Variants in CCDC69 observed in about 807,000 individuals in gnomAD.
CCDC69 encodes the protein coiled-coil domain-containing protein 69.
A neutral mutation model predicts 40.3 loss-of-function variants in CCDC69; 38 were observed. That is an observed-to-expected ratio of 0.94 (90% CI 0.73 to 1.24). The LOEUF is 1.24. CCDC69 is among the 50% of genes most tolerant of loss of function. The pLI is 0.00. For missense variants in CCDC69, 389 were observed against 357.9 expected (o/e 1.09, Z -0.70); for synonymous variants, 141 against 138.9 (o/e 1.02, Z -0.11).
At position 151,184,402 on chromosome 5, in the gene CCDC69, G is replaced by A. The variant is rs138016108; in HGVS notation, c.655C>T (p.Leu219=). ...TGGAGGTCCTCATTTTCCTGTTGCA[G>A]GGTCGTAATTTTTTCCTCCAATATC... is the stretch of plus-strand genomic sequence containing the variant. ...NLILEEKITT[L]QQENEDLHVR... is the part of the protein sequence containing the mutation. The change falls in exon 8 of 9, where the codon CTG becomes TTG. Residue 219 remains leucine, a synonymous_variant. Transcript: ENST00000355417. The A allele has an allele frequency of 4.5e-5, 73 of 1,614,108 alleles. No individual in the cohort carries two copies. The African/African-American group carries it at 9.5e-4, about 21-fold the overall frequency.
intron 4 of CCDC69, among the ~76,000 whole-genome samples, chr5:151,195,749 TCACACCCACACA>T (rs1412329524): frequency 7.8e-6 from 1 of 128,294 alleles, no homozygotes; most frequent in African/African-American, 2.9e-5. Context: ...ACACGCACAC[TCACACCCACACA>T]CACACCCACA....
chr5:151,221,970 C>G (rs1317060854), intron 1 of CCDC69, among the ~76,000 whole-genome samples: 3 of 152,226 alleles, frequency 2.0e-5, no homozygotes, highest in Non-Finnish European at 4.4e-5. Flanking sequence ...ATAAATCTTG[C>G]CATATAGGGG....
At position 151,185,466 on chromosome 5, in the gene CCDC69, G is replaced by A. The variant is rs748092478; in HGVS notation, c.571C>T (p.Arg191Cys). 1.4e-5 allele frequency: 22 copies of A among 1,613,634 alleles called. No individual in the cohort carries two copies. Among genetic ancestry groups the A allele is most frequent in the Middle Eastern group, 1.6e-4 (1 of 6,084 alleles). ...AGCCGCCTGTCCAGCTCATGAATAC[G>A]CTCATTCTTCATCTCGATGACAAAG... ...LHFVIEMKNERIHELDRRLIL... is the reference protein window; with the variant it reads ...LHFVIEMKNECIHELDRRLIL... Residue 191 changes from arginine (R) to cysteine (C), a missense_variant, in exon 7 of 9, where the codon CGT (arginine) becomes TGT (cysteine). Arg to Cys is a radical substitution (Grantham distance 180, BLOSUM62 -3). Coordinates refer to ENST00000355417, the MANE Select transcript of CCDC69 (RefSeq NM_015621.3).
At chr5:151,185,368 A>G (rs1163263299) in intron 7 of CCDC69, 54 bp downstream of exon 7, 1 of 1,602,262 alleles carries the variant, frequency 6.2e-7, no homozygotes, top group South Asian at 1.1e-5. Context: ...CAAAGGAAAC[A>G]CCCAGAAAGC....
At chr5:151,194,162 C>T (rs778465337) in intron 4 of CCDC69, among the ~76,000 whole-genome samples, 2 of 152,204 alleles carry the variant, frequency 1.3e-5, no homozygotes, top group Non-Finnish European at 2.9e-5. Context: ...TCTCATAAAG[C>T]TAAACATACA....
At chr5:151,213,550 C>T (rs2114002130) in intron 1 of CCDC69, among the ~76,000 whole-genome samples, 1 of 152,310 alleles carries the variant, frequency 6.6e-6, no homozygotes, top group African/African-American at 2.4e-5. Flanking sequence ...CCATGCCCGG[C>T]CAACTACCCT....
intron 1 of CCDC69, among the ~76,000 whole-genome samples, chr5:151,220,106 G>A (rs1337279086): frequency 2.6e-5 from 4 of 152,104 alleles, no homozygotes; most frequent in Non-Finnish European, 5.9e-5. Flanking sequence ...CACCCTGCCC[G>A]CGTCAACCTT....
intron 2 of CCDC69, among the ~76,000 whole-genome samples, chr5:151,204,158 T>G (rs953686657): frequency 6.6e-6 from 1 of 151,882 alleles, no homozygotes. Flanking sequence ...GCTTCCCAAG[T>G]AGCTGGGACT....
At chr5:151,219,070 T>C (rs1253775788) in intron 1 of CCDC69, among the ~76,000 whole-genome samples, 2 of 152,170 alleles carry the variant, frequency 1.3e-5, no homozygotes, top group African/African-American at 4.8e-5. Flanking sequence ...TGGGCATTAG[T>C]TTCTAGGTTG....
At chr5:151,204,103 C>T (rs1752819487) in intron 2 of CCDC69, among the ~76,000 whole-genome samples, 1 of 151,754 alleles carries the variant, frequency 6.6e-6, no homozygotes, top group South Asian at 2.1e-4. Context: ...GATCACAGCT[C>T]ACCACAGCCT....
chr5:151,199,779 C>G (rs1307961144), intron 3 of CCDC69, among the ~76,000 whole-genome samples: 1 of 152,160 alleles, frequency 6.6e-6, no homozygotes, highest in Non-Finnish European at 1.5e-5. Flanking sequence ...TTAAGGATTC[C>G]ACAGGTAATG....
intron 3 of CCDC69, among the ~76,000 whole-genome samples, chr5:151,199,618 C>A (rs1355275096): frequency 6.6e-6 from 1 of 152,124 alleles, no homozygotes; most frequent in Non-Finnish European, 1.5e-5. Flanking sequence ...CTGTAAGGTA[C>A]AGCTGATGGG....
At chr5:151,203,431 A>G (rs1462764145) in intron 2 of CCDC69, among the ~76,000 whole-genome samples, 1 of 151,038 alleles carries the variant, frequency 6.6e-6, no homozygotes, top group Non-Finnish European at 1.5e-5. Flanking sequence ...AATTGCTTGA[A>G]CCTGGGAGGC....
At chr5:151,191,198 AAC>A (rs938193631) in intron 4 of CCDC69, among the ~76,000 whole-genome samples, 7 of 152,216 alleles carry the variant, frequency 4.6e-5, no homozygotes, top group African/African-American at 1.7e-4. Flanking sequence ...TGGAAAAAGA[AAC>A]ACTAATCAAA....
intron 3 of CCDC69, 70 bp downstream of exon 3, chr5:151,201,512 C>T: frequency 1.0e-6 from 1 of 976,034 alleles, no homozygotes. Flanking sequence ...CTAAGGTAGG[C>T]ACTCACTCTG....
Position 151,183,152 on chromosome 5 carries a change from C to G in CCDC69, c.*285G>C. 1.7e-6 allele frequency: 1 copy of G among 581,924 alleles called. No individual in the cohort carries two copies. The highest frequency in any genetic ancestry group is 3.2e-6 in the Non-Finnish European group (1 of 308,750). The allele number at this position is 581,924 out of a possible 1,614,324, so 36.0% of individuals were successfully genotyped here. A position where few individuals can be genotyped will look rare whatever the true frequency, so the allele number is the denominator to read the frequency against. ...GACTGCCCCTGGGAAAGCCTCGGAA[C>G]TTCTCGGATTGGGACAGAGTGCTGG... On this transcript the variant is annotated 3_prime_UTR_variant, in exon 9 of 9. Coordinates refer to ENST00000355417, the MANE Select transcript of CCDC69 (RefSeq NM_015621.3).
intron 1 of CCDC69, among the ~76,000 whole-genome samples, 175 bp from the exon 2 acceptor site, chr5:151,205,650 G>A (rs548353846): frequency 5.3e-5 from 8 of 152,276 alleles, no homozygotes; most frequent in South Asian, 4.2e-4. Context: ...ACCCTCTACC[G>A]GGGGAGGGGC....
rs112659799 is a variant in CCDC69 at position 151,211,764 on chromosome 5, T to C, written c.49-6289A>G. The stretch of plus-strand genomic sequence containing the variant: ...GTCTCAAACTCCTGACTTCAAGTGA[T>C]CCACCCACCTCAGCCTCCCAAAGTG... On this transcript the variant is annotated intron_variant, in intron 1 of 8. Transcript: ENST00000355417. Among the ~76,000 whole-genome samples the C allele has an allele frequency of 1.5e-4, 23 of 152,194 alleles. 1 individual carries two copies. The highest frequency in any genetic ancestry group is 5.5e-4 in the African/African-American group (23 of 41,534).
rs771589200 is a variant in CCDC69 at position 151,185,491 on chromosome 5, G to A, written c.546C>T (p.His182=). Residue 182 remains histidine, a synonymous_variant, in exon 7 of 9, where the codon CAC becomes CAT. Coordinates refer to ENST00000355417, the MANE Select transcript of CCDC69 (RefSeq NM_015621.3). ...QFWEQELESL[H]FVIEMKNERI... ...GCTCATTCTTCATCTCGATGACAAA[G>A]TGTAAGCTCTCCAGCTCCTGCTCCC... 3 of 1,614,010 alleles carry A rather than the reference G, an allele frequency of 1.9e-6. No homozygotes were observed. The highest frequency in any genetic ancestry group is 2.5e-6 in the Non-Finnish European group (3 of 1,179,880).
Sources: allele counts gnomAD v4.1 joint callset (sites outside exome capture counted in the v4.1 genomes callset), GRCh38; gene constraint gnomAD v4.1.1; transcripts MANE v1.5; gene names NCBI Gene and HGNC (gene_info 2026-07-23, HGNC 2026-07-21).